Variants in NCAM2 observed in about 807,000 individuals in gnomAD.
The protein encoded by NCAM2 is neural cell adhesion molecule 2, also known as N-CAM-2.
NCAM2 carries 30 observed loss-of-function variants against 98.1 expected under a neutral mutation model. The observed-to-expected ratio is 0.31, with a 90% CI of 0.23 to 0.41. The LOEUF (loss-of-function observed/expected upper bound fraction) is 0.41, where lower values mean the gene tolerates loss of function less well. NCAM2 is among the 10% of genes least tolerant of loss of function. NCAM2 has a pLI of 1.00. For missense variants in NCAM2, 867 were observed against 1,005.8 expected (o/e 0.86, Z 1.87); for synonymous variants, 368 against 342.4 (o/e 1.07, Z -0.83).
intron 8 of NCAM2, among the ~76,000 whole-genome samples, chr21:21,350,397 G>A (rs1031290392): frequency 6.6e-6 from 1 of 151,866 alleles, no homozygotes; most frequent in Non-Finnish European, 1.5e-5. Flanking sequence ...TTATTATTGG[G>A]CACAATTTTA....
At chr21:21,129,182 T>C (rs1029801158) in intron 1 of NCAM2, among the ~76,000 whole-genome samples, 4 of 152,144 alleles carry the variant, frequency 2.6e-5, no homozygotes, top group African/African-American at 4.8e-5. Context: ...TCTTTAAAAA[T>C]AGACTGAAAA....
chr21:21,290,366 A>G (rs2073248530), intron 4 of NCAM2, among the ~76,000 whole-genome samples: 1 of 151,860 alleles, frequency 6.6e-6, no homozygotes, highest in African/African-American at 2.4e-5. Context: ...ACTTTAAGAG[A>G]GGATTTTTAA....
intron 8 of NCAM2, among the ~76,000 whole-genome samples, chr21:21,363,177 A>G (rs1265721405): frequency 2.0e-5 from 3 of 152,198 alleles, no homozygotes; most frequent in Admixed American, 6.5e-5. Context: ...GATAATTAAC[A>G]TATCATACAC....
At chr21:21,373,334 A>G (rs1018380447) in intron 8 of NCAM2, among the ~76,000 whole-genome samples, 1 of 151,948 alleles carries the variant, frequency 6.6e-6, no homozygotes. Flanking sequence ...TATTTAGGCA[A>G]TCAGGAACTA....
At chr21:21,275,980 A>G (rs1480471358) in intron 1 of NCAM2, among the ~76,000 whole-genome samples, 1 of 152,152 alleles carries the variant, frequency 6.6e-6, no homozygotes, top group East Asian at 1.9e-4. Context: ...TCTAGATGAG[A>G]TGGACCTTGT....
intron 1 of NCAM2, among the ~76,000 whole-genome samples, chr21:21,201,004 T>TC (rs1229847655): frequency 6.6e-6 from 1 of 152,132 alleles, no homozygotes; most frequent in African/African-American, 2.4e-5. Context: ...TTTATGATTT[T>TC]AATATATATT....
At chr21:21,193,845 C>T (rs763351023) in intron 1 of NCAM2, among the ~76,000 whole-genome samples, 1 of 152,176 alleles carries the variant, frequency 6.6e-6, no homozygotes, top group South Asian at 2.1e-4. Context: ...AAATTCCCAA[C>T]ATATTGTTAT....
At chr21:21,036,613 G>A (rs2064803102) in intron 1 of NCAM2, among the ~76,000 whole-genome samples, 1 of 152,162 alleles carries the variant, frequency 6.6e-6, no homozygotes, top group South Asian at 2.1e-4. Context: ...CAGTTCGTTG[G>A]GGAAAGTGTA....
intron 1 of NCAM2, among the ~76,000 whole-genome samples, chr21:21,096,607 T>C (rs1481650626): frequency 6.6e-6 from 1 of 151,806 alleles, no homozygotes. Flanking sequence ...TAGTATCATT[T>C]ATTATTGGTA....
At chr21:21,442,362 G>A (rs1213895267) in intron 12 of NCAM2, among the ~76,000 whole-genome samples, 2 of 152,090 alleles carry the variant, frequency 1.3e-5, no homozygotes, top group African/African-American at 4.8e-5. Context: ...GGAACATGGA[G>A]GATAGGACAT....
At chr21:21,218,738 T>A (rs377096405) in intron 1 of NCAM2, among the ~76,000 whole-genome samples, 1 of 152,208 alleles carries the variant, frequency 6.6e-6, no homozygotes, top group Admixed American at 6.5e-5. Flanking sequence ...ACAGCCCTGC[T>A]GGCACTTTAA....
At chr21:21,115,202 T>C (rs568255368) in intron 1 of NCAM2, among the ~76,000 whole-genome samples, 36 of 152,290 alleles carry the variant, frequency 2.4e-4, no homozygotes, top group Middle Eastern at 3.4e-3. Flanking sequence ...GTCAATGTTA[T>C]ATTTGCTTGG....
intron 1 of NCAM2, among the ~76,000 whole-genome samples, chr21:21,194,938 T>C (rs1219655487): frequency 1.3e-5 from 2 of 152,168 alleles, no homozygotes; most frequent in East Asian, 1.9e-4. Context: ...CTGGCAACCA[T>C]CACTTCAGTC....
Position 21,411,132 on chromosome 21 carries a change from A to ACCT in NCAM2, c.1383+671_1383+672insCCT, listed in dbSNP as rs1172483668. Among the ~76,000 whole-genome samples the ACCT allele has an allele frequency of 1.6e-3, 55 of 34,332 alleles. 3 individuals carry two copies. Among genetic ancestry groups the ACCT allele is most frequent in the Non-Finnish European group, 2.8e-3 (41 of 14,698 alleles). 22.5% of individuals were successfully genotyped at this position (34,332 alleles called of 152,430 possible). A position where few individuals can be genotyped will look rare whatever the true frequency, so the allele number is the denominator to read the frequency against. ...TATATGTATATATATATACACATAT[A>ACCT]TATGTATATATATATACATATATAT... is the stretch of plus-strand genomic sequence containing the variant. On this transcript the variant is annotated intron_variant, in intron 10 of 17. Transcript: ENST00000400546.
chr21:21,450,394 G>T (rs956244697), intron 12 of NCAM2, among the ~76,000 whole-genome samples: 2 of 145,322 alleles, frequency 1.4e-5, no homozygotes, highest in African/African-American at 2.6e-5. Flanking sequence ...CCCAGGCTGG[G>T]GTACAGTGGC....
intron 9 of NCAM2, chr21:21,385,456 G>A: frequency 2.6e-6 from 1 of 381,272 alleles, no homozygotes; most frequent in South Asian, 2.0e-5. Context: ...CCTGAACCAA[G>A]CACCTACAGG....
intron 14 of NCAM2, among the ~76,000 whole-genome samples, chr21:21,470,940 A>G (rs940726290): frequency 6.6e-6 from 1 of 151,808 alleles, no homozygotes; most frequent in Non-Finnish European, 1.5e-5. Context: ...GGCATTGCTC[A>G]CTCTTGGCTA....
In NCAM2 at chr21:21,488,754, A is replaced by G. The variant is rs1258345600; in HGVS notation, c.2077+11283A>G. Reference sequence around the variant, plus strand: ...ATATAAGCAACATTAAGAGCTTGAAATGATCAATTCTGGTATTAAACTAAA... The same window carrying G: ...ATATAAGCAACATTAAGAGCTTGAAGTGATCAATTCTGGTATTAAACTAAA... On this transcript the variant is annotated intron_variant, in intron 15 of 17. Transcript: ENST00000400546. Among the ~76,000 whole-genome samples, 6 of 151,806 alleles carry G rather than the reference A, an allele frequency of 4.0e-5. No homozygotes were observed. In the South Asian group the frequency reaches 1.0e-3, roughly 26 times the overall value.
chr21:21,142,894 T>C (rs1456582571), intron 1 of NCAM2, among the ~76,000 whole-genome samples: 1 of 152,224 alleles, frequency 6.6e-6, no homozygotes, highest in East Asian at 1.9e-4. Context: ...AGGTGTAGCG[T>C]ATTTTATTAA....
Sources: allele counts gnomAD v4.1 joint callset (sites outside exome capture counted in the v4.1 genomes callset), GRCh38; gene constraint gnomAD v4.1.1; transcripts MANE v1.5; gene names NCBI Gene and HGNC (gene_info 2026-07-23, HGNC 2026-07-21).